CRMP1: variants seen among roughly 807,000 people sequenced by gnomAD.
The protein encoded by CRMP1 is dihydropyrimidinase-related protein 1.
CRMP1 carries 19 observed loss-of-function variants against 68.3 expected under a neutral mutation model. That is an observed-to-expected ratio of 0.28 (90% CI 0.19 to 0.41). The LOEUF (loss-of-function observed/expected upper bound fraction) is 0.41. Among genes scored for constraint, CRMP1 ranks in the 10% least tolerant of loss-of-function variants. The pLI is 1.00. For synonymous variants in CRMP1, 439 were observed against 399.6 expected (o/e 1.10, Z -1.18); for missense variants, 791 against 967.4 (o/e 0.82, Z 2.42).
chr4:5,859,038 G>C lies in CRMP1; in HGVS notation c.655+1988C>G, dbSNP rs1351453302. On this transcript the variant is annotated intron_variant, in intron 3 of 13. Transcript: ENST00000324989. This position sits in a 1 kb window ranked among gnomAD's most constrained non-coding sequence, Gnocchi z 5.2. ...CTGAGACCCTGCCCCTCAGTTCAAA[G>C]CACTGTGTACCCTTCTTTTGTAGCA... 1.3e-5 allele frequency among the ~76,000 whole-genome samples: 2 copies of C among 151,608 alleles called. No individual in the cohort carries two copies. Among genetic ancestry groups the C allele is most frequent in the African/African-American group, 2.4e-5 (1 of 41,106 alleles).
In CRMP1 at chr4:5,889,681, T is replaced by A; in HGVS notation, c.381+2908A>T. 1 of 1,536,146 alleles carries A rather than the reference T, an allele frequency of 6.5e-7. No individual in the cohort carries two copies. Among genetic ancestry groups the A allele is most frequent in the Non-Finnish European group, 8.7e-7 (1 of 1,146,890 alleles). On this transcript the variant is annotated intron_variant, in intron 1 of 13. Transcript: ENST00000324989. The surrounding 1 kb of genome is among the most constrained non-coding windows in gnomAD (Gnocchi z 4.5). ...ATGCGAAATCCAACCCCACAGGTCC[T>A]ATGAAACTACTCATCTTTTCTGCTT... is the stretch of plus-strand genomic sequence containing the variant.
chr4:5,884,879 G>C (rs942819246), intron 1 of CRMP1, among the ~76,000 whole-genome samples: 2 of 151,914 alleles, frequency 1.3e-5, no homozygotes, highest in African/African-American at 4.8e-5. Flanking sequence ...GGGCTAGGAA[G>C]CCATGTGCCT....
intron 8 of CRMP1, among the ~76,000 whole-genome samples, chr4:5,840,426 C>T (rs959449156): frequency 6.6e-6 from 1 of 152,188 alleles, no homozygotes; most frequent in Non-Finnish European, 1.5e-5. Flanking sequence ...TGGCCCGAGA[C>T]CCCCTGCTGC....
At chr4:5,851,576 T>C in intron 4 of CRMP1, 107 bp from the exon 5 acceptor site, 6 of 1,106,126 alleles carry the variant, frequency 5.4e-6, no homozygotes, top group Non-Finnish European at 8.2e-6. Context: ...CCAGGAGAGA[T>C]GAGTGCCATT....
In CRMP1 at chr4:5,853,937, G is replaced by A. The variant is rs192415799; in HGVS notation, c.820+2206C>T. On this transcript the variant is annotated intron_variant, in intron 4 of 13. Transcript: ENST00000324989. This position sits in a 1 kb window ranked among gnomAD's most constrained non-coding sequence, Gnocchi z 4.7. Reference sequence around the variant, plus strand: ...TTGCTGCCAGGACCTGAGCACCATCGCCATTCGCCTGCTGGTGACCCAGCC... The same window carrying A: ...TTGCTGCCAGGACCTGAGCACCATCACCATTCGCCTGCTGGTGACCCAGCC... Among the ~76,000 whole-genome samples, 42 of 152,326 alleles carry A rather than the reference G, an allele frequency of 2.8e-4. No homozygotes were observed. Among genetic ancestry groups the A allele is most frequent in the African/African-American group, 8.7e-4 (36 of 41,582 alleles).
chr4:5,867,145 C>T (rs543278279), intron 1 of CRMP1, among the ~76,000 whole-genome samples: 1 of 152,288 alleles, frequency 6.6e-6, no homozygotes, highest in African/African-American at 2.4e-5. Context: ...AGAAACAAAA[C>T]CAGAATCCAT....
chr4:5,839,181 C>T (rs906237627), intron 9 of CRMP1, among the ~76,000 whole-genome samples: 17 of 152,208 alleles, frequency 1.1e-4, no homozygotes, highest in African/African-American at 3.9e-4. Flanking sequence ...AGAGATGTCA[C>T]GGGTGACGTG....
intron 12 of CRMP1, chr4:5,828,111 T>C (rs1305789143): frequency 1.0e-6 from 1 of 985,434 alleles, no homozygotes; most frequent in Non-Finnish European, 1.2e-6. Context: ...GCCGTGACTC[T>C]GGCTAAGCCC....
At chr4:5,829,980 C>T (rs1422602170) in intron 11 of CRMP1, among the ~76,000 whole-genome samples, 2 of 152,178 alleles carry the variant, frequency 1.3e-5, no homozygotes, top group Admixed American at 6.5e-5. Context: ...AACAAAACTC[C>T]GTGAGCTTAC....
At chr4:5,869,681 C>CAAAAAAAAAAA (rs33973891) in intron 1 of CRMP1, among the ~76,000 whole-genome samples, 4 of 92,918 alleles carry the variant, frequency 4.3e-5, no homozygotes, top group Admixed American at 2.5e-4. Context: ...AAGACTCCGT[C>CAAAAAAAAAAA]AAAAAAAAAA....
chr4:5,889,932 C>G lies in CRMP1; in HGVS notation c.381+2657G>C. ...AGGCATAATTTTCCCATTTTACAGA[C>G]AGGAAATTGAGGCTTACAGAGGTAA... On this transcript the variant is annotated intron_variant, in intron 1 of 13. Coordinates refer to ENST00000324989, the MANE Select transcript of CRMP1 (RefSeq NM_001014809.3). The surrounding 1 kb of genome is among the most constrained non-coding windows in gnomAD (Gnocchi z 4.5). 7.3e-7 allele frequency: 1 copy of G among 1,371,278 alleles called. No homozygotes were observed. Among genetic ancestry groups the G allele is most frequent in the Non-Finnish European group, 9.4e-7 (1 of 1,059,770 alleles). The allele number at this position is 1,371,278 out of a possible 1,614,324, so 84.9% of individuals were successfully genotyped here.
At position 5,841,963 on chromosome 4, in the gene CRMP1, T is replaced by C. The variant is rs1373204857; in HGVS notation, c.1033-535A>G. ...TGGGAGGCCAAGACGGATGGATCACTTGAGGTCGGAAGTTTCAGACCAGAC... is the reference window on the plus strand; with the variant it reads ...TGGGAGGCCAAGACGGATGGATCACCTGAGGTCGGAAGTTTCAGACCAGAC... On this transcript the variant is annotated intron_variant, in intron 7 of 13. Transcript: ENST00000324989. This position sits in a 1 kb window ranked among gnomAD's most constrained non-coding sequence, Gnocchi z 6.9. 1.3e-5 allele frequency among the ~76,000 whole-genome samples: 2 copies of C among 152,186 alleles called. No homozygotes were observed. Among genetic ancestry groups the C allele is most frequent in the East Asian group, 1.9e-4 (1 of 5,192 alleles).
At chr4:5,839,429 G>A in intron 9 of CRMP1, 93 bp downstream of exon 9, 4 of 1,460,234 alleles carry the variant, frequency 2.7e-6, no homozygotes, top group Admixed American at 4.1e-5. Context: ...CTACAATCAT[G>A]AGTCCAAACC....
rs1715091275 is a variant in CRMP1 at position 5,879,582 on chromosome 4, C to T, written c.382-12826G>A. On this transcript the variant is annotated intron_variant, in intron 1 of 13. Coordinates refer to ENST00000324989, the MANE Select transcript of CRMP1 (RefSeq NM_001014809.3). The surrounding 1 kb of genome is among the most constrained non-coding windows in gnomAD (Gnocchi z 4.2). ...TCTATAAATGGAACCCATCAAAATA[C>T]CTACCTCACAAGATTACTTGAAATA... 6.6e-6 allele frequency among the ~76,000 whole-genome samples: 1 copy of T among 152,142 alleles called. No individual in the cohort carries two copies. The highest frequency in any genetic ancestry group is 1.5e-5 in the Non-Finnish European group (1 of 68,024).
At position 5,825,669 on chromosome 4, in the gene CRMP1, G is replaced by T; in HGVS notation, c.1804-10C>A. The stretch of plus-strand genomic sequence containing the variant: ...CTTGCAATCCAAAAACCTAAACAGA[G>T]GAAGGGAGAGTGTGATTGATCGACA... On this transcript the variant is annotated splice_polypyrimidine_tract_variant and intron_variant, in intron 12 of 13. Transcript: ENST00000324989. The surrounding 1 kb of genome is among the most constrained non-coding windows in gnomAD (Gnocchi z 4.4). 1.9e-6 allele frequency: 3 copies of T among 1,612,298 alleles called. No homozygotes were observed. In the South Asian group the frequency reaches 3.3e-5, roughly 18 times the overall value.
rs184687552 is a variant in CRMP1 at position 5,861,556 on chromosome 4, G to A, written c.471-346C>T. 6.6e-6 allele frequency among the ~76,000 whole-genome samples: 1 copy of A among 152,300 alleles called. No homozygotes were observed. The highest frequency in any genetic ancestry group is 2.4e-5 in the African/African-American group (1 of 41,562). ...GCCCAGCATGATGCATGTGCTGACC[G>A]TCATGTCTATTCTGATGTAACAGGT... On this transcript the variant is annotated intron_variant, in intron 2 of 13. Coordinates refer to ENST00000324989, the MANE Select transcript of CRMP1 (RefSeq NM_001014809.3). The surrounding 1 kb of genome is among the most constrained non-coding windows in gnomAD (Gnocchi z 6.0).
rs532780770 is a variant in CRMP1, at chr4:5,821,427, C to T, written c.*333G>A. ...GAACATCTACAGGGTGCAAAGGAAC[C>T]ACCACTCAGAGAATCATGGAGCCAG... On this transcript the variant is annotated 3_prime_UTR_variant, in exon 14 of 14. Transcript: ENST00000324989. This position sits in a 1 kb window ranked among gnomAD's most constrained non-coding sequence, Gnocchi z 4.4. 1.5e-4 allele frequency: 50 copies of T among 333,604 alleles called. 2 individuals carry two copies. The South Asian group carries it at 3.5e-3, about 23-fold the overall frequency. 20.7% of individuals were successfully genotyped at this position (333,604 alleles called of 1,614,324 possible).
In CRMP1 at chr4:5,892,286, CG is replaced by C. The variant is rs1271148304; in HGVS notation, c.381+302del. 6.6e-6 allele frequency among the ~76,000 whole-genome samples: 1 copy of C among 152,228 alleles called. No individual in the cohort carries two copies. Among genetic ancestry groups the C allele is most frequent in the Admixed American group, 6.5e-5 (1 of 15,290 alleles). On this transcript the variant is annotated intron_variant, in intron 1 of 13. Coordinates refer to ENST00000324989, the MANE Select transcript of CRMP1 (RefSeq NM_001014809.3). The surrounding 1 kb of genome is among the most constrained non-coding windows in gnomAD (Gnocchi z 8.6). ...GTTCCTTCGCGTTTAAGCGTCCATG[CG>C]GTAGCTTTAGCCAACTTCCCCTCTC...
At chr4:5,851,558 G>A (rs1055305945) in intron 4 of CRMP1, 89 bp from the exon 5 acceptor site, 2 of 1,324,036 alleles carry the variant, frequency 1.5e-6, no homozygotes, top group Admixed American at 1.7e-5. Flanking sequence ...AGAGCAGAGT[G>A]GTAGTCGCCA....
Sources: gnomAD v4.1 joint callset for allele counts (sites outside exome capture counted in the v4.1 genomes callset) on GRCh38, gnomAD v4.1.1 for gene constraint, Gnocchi (gnomAD v3.1) non-coding constraint, MANE v1.5 for transcripts, NCBI Gene and HGNC (gene_info 2026-07-23, HGNC 2026-07-21) for gene names.